Variants in RREB1 observed in about 807,000 individuals in gnomAD.
RREB1 encodes the protein ras responsive element binding protein 1.
A neutral mutation model predicts 117.8 loss-of-function variants in RREB1; 27 were observed. The observed-to-expected ratio is 0.23, with a 90% CI of 0.17 to 0.32. The LOEUF is 0.32. RREB1 is among the 10% of genes least tolerant of loss of function. RREB1 has a pLI of 1.00. For synonymous variants in RREB1, 1,298 were observed against 1,026.7 expected (o/e 1.26, Z -5.05); for missense variants, 2,577 against 2,378.2 (o/e 1.08, Z -1.74).
intron 1 of RREB1, among the ~76,000 whole-genome samples, chr6:7,130,184 A>G (rs767064649): frequency 1.3e-5 from 2 of 152,256 alleles, no homozygotes; most frequent in Non-Finnish European, 2.9e-5. Context: ...AAGTCTGGAT[A>G]AATGACTTTT....
In RREB1 at chr6:7,246,860, C is replaced by T. The variant is rs1399217296; in HGVS notation, c.4410C>T (p.His1470=). The change falls in exon 12 of 13, where the codon CAC becomes CAT. Residue 1470 remains histidine, a synonymous_variant. Transcript: ENST00000379938. Reference sequence around the variant, plus strand: ...CCCTGAGCCGCCACCGGAAGGCGCACGGCCGCCAGGAGCCCAAGGACGAGA... The same window carrying T: ...CCCTGAGCCGCCACCGGAAGGCGCATGGCCGCCAGGAGCCCAAGGACGAGA... ...LGTLSRHRKA[H]GRQEPKDEKG... 6.4e-6 allele frequency: 10 copies of T among 1,552,914 alleles called. No individual in the cohort carries two copies. Among genetic ancestry groups the T allele is most frequent in the South Asian group, 2.4e-5 (2 of 84,366 alleles).
intron 1 of RREB1, among the ~76,000 whole-genome samples, chr6:7,129,593 C>T: frequency 6.6e-6 from 1 of 152,238 alleles, no homozygotes; most frequent in East Asian, 1.9e-4. Context: ...TGCCTAAAGC[C>T]ACTGCAGTGA....
chr6:7,114,067 A>G (rs542496821), intron 1 of RREB1, among the ~76,000 whole-genome samples: 7 of 152,318 alleles, frequency 4.6e-5, no homozygotes, highest in African/African-American at 1.4e-4. Flanking sequence ...GGGGAAATGC[A>G]GCACTTTGTT....
intron 12 of RREB1, among the ~76,000 whole-genome samples, chr6:7,247,978 C>T (rs994189517): frequency 1.3e-5 from 2 of 152,180 alleles, no homozygotes; most frequent in Non-Finnish European, 2.9e-5. Context: ...TGCGCTTGCC[C>T]GTGTGAAGGG....
intron 11 of RREB1, among the ~76,000 whole-genome samples, chr6:7,246,197 A>G (rs1581598218): frequency 6.6e-6 from 1 of 152,268 alleles, no homozygotes; most frequent in East Asian, 1.9e-4. Flanking sequence ...CCCTGGGAAC[A>G]CACCTGAGGT....
At chr6:7,190,625 G>C (rs1403993810) in intron 6 of RREB1, among the ~76,000 whole-genome samples, 13 of 152,190 alleles carry the variant, frequency 8.5e-5, no homozygotes, top group African/African-American at 3.1e-4. Flanking sequence ...ATCTCTTCCT[G>C]GGACTGTTTT....
intron 10 of RREB1, among the ~76,000 whole-genome samples, chr6:7,235,836 C>T (rs1240317989): frequency 6.6e-6 from 1 of 152,196 alleles, no homozygotes; most frequent in African/African-American, 2.4e-5. Context: ...GTTCAGTGTC[C>T]AACGAGGGGT....
At chr6:7,236,896 T>TTTTTG (rs1032812849) in intron 10 of RREB1, among the ~76,000 whole-genome samples, 8 of 135,146 alleles carry the variant, frequency 5.9e-5, no homozygotes, top group African/African-American at 2.3e-4. Flanking sequence ...GGTTTTTTTT[T>TTTTTG]TTTTTTTTTT....
chr6:7,227,438 G>A (rs1767647439), intron 9 of RREB1, among the ~76,000 whole-genome samples: 1 of 152,028 alleles, frequency 6.6e-6, no homozygotes. Context: ...CTACTCGGGA[G>A]GCTGAGGCAG....
At chr6:7,245,938 G>C (rs1333206497) in intron 11 of RREB1, among the ~76,000 whole-genome samples, 1 of 152,254 alleles carries the variant, frequency 6.6e-6, no homozygotes, top group Non-Finnish European at 1.5e-5. Flanking sequence ...GTCGTTTCCT[G>C]TGAAACTCAT....
rs762768896 is a variant in RREB1 at position 7,230,704 on chromosome 6, T to C, written c.2605T>C (p.Phe869Leu). 14 of 1,595,274 alleles carry C rather than the reference T, an allele frequency of 8.8e-6. No homozygotes were observed. Among genetic ancestry groups the C allele is most frequent in the Non-Finnish European group, 1.0e-5 (12 of 1,170,128 alleles). Residue 869 changes from phenylalanine (F) to leucine (L), a missense_variant, in exon 10 of 13, where the codon TTT becomes CTT. Coordinates refer to ENST00000379938, the MANE Select transcript of RREB1 (RefSeq NM_001003699.4). ...LTAFLEPQNGFLHRGPTQPPP... is the reference protein window; with the variant it reads ...LTAFLEPQNGLLHRGPTQPPP... ...TGCCTTCCTGGAACCCCAGAACGGCTTTCTTCACAGGGGCCCCACCCAGCC... is the reference window on the plus strand; with the variant it reads ...TGCCTTCCTGGAACCCCAGAACGGCCTTCTTCACAGGGGCCCCACCCAGCC...
chr6:7,232,645 C>T (rs949189222), intron 10 of RREB1, among the ~76,000 whole-genome samples: 1 of 152,118 alleles, frequency 6.6e-6, no homozygotes, highest in Non-Finnish European at 1.5e-5. Flanking sequence ...ACGACTGCTC[C>T]ATGGAGCCCA....
intron 8 of RREB1, among the ~76,000 whole-genome samples, chr6:7,221,063 G>C (rs1398866848): frequency 2.0e-5 from 3 of 152,202 alleles, no homozygotes; most frequent in Admixed American, 2.0e-4. Context: ...GTCTCCACCT[G>C]ATAGGGCTGA....
chr6:7,177,218 CAAA>C (rs552706086), intron 2 of RREB1, among the ~76,000 whole-genome samples: 4 of 34,932 alleles, frequency 1.1e-4, no homozygotes, highest in African/African-American at 3.4e-4. Context: ...GACTGTCTCA[CAAA>C]AAAAAAAAAA....
At chr6:7,228,877 A>T (rs929901478) in intron 9 of RREB1, 120 bp from the exon 10 acceptor site, 3 of 874,028 alleles carry the variant, frequency 3.4e-6, no homozygotes, top group Non-Finnish European at 4.7e-6. Flanking sequence ...TCTTTATGTT[A>T]TGGGGAAAGG....
intron 1 of RREB1, among the ~76,000 whole-genome samples, chr6:7,125,156 G>A (rs897730617): frequency 6.6e-6 from 1 of 152,206 alleles, no homozygotes; most frequent in Non-Finnish European, 1.5e-5. Context: ...TGGAAGTGAG[G>A]GGTTTGCAAA....
chr6:7,146,686 G>T (rs796951311), intron 1 of RREB1, among the ~76,000 whole-genome samples: 1 of 151,724 alleles, frequency 6.6e-6, no homozygotes. Context: ...CAAGGGAGCC[G>T]CTCATAGTGC....
rs111276833 is a variant in RREB1 at position 7,207,341 on chromosome 6, C to T, written c.426-3463C>T. 6.2e-3 allele frequency among the ~76,000 whole-genome samples: 950 copies of T among 152,336 alleles called. 16 individuals carry two copies. Among genetic ancestry groups the T allele is most frequent in the African/African-American group, 0.021 (886 of 41,566 alleles). On this transcript the variant is annotated intron_variant, in intron 6 of 12. Transcript: ENST00000379938. ...AGTCACTCATTTCTACTCTCACCAACGATGGGAGAGTACCAGTCTTCTGAA... is the reference window on the plus strand; with the variant it reads ...AGTCACTCATTTCTACTCTCACCAATGATGGGAGAGTACCAGTCTTCTGAA...
In RREB1 at chr6:7,247,184, G is replaced by T; in HGVS notation, c.4734G>T (p.Ser1578=). 1 of 1,613,722 alleles carries T rather than the reference G, an allele frequency of 6.2e-7. No individual in the cohort carries two copies. The part of the protein sequence containing the change: ...VCSVCNKRFW[S]LQDLTRHMRS... ...GCGTGTGCAACAAGCGGTTCTGGTC[G>T]CTGCAGGACCTGACCCGGCACATGC... is the stretch of plus-strand genomic sequence containing the variant. The change falls in exon 12 of 13, where the codon TCG becomes TCT. Residue 1578 remains serine (S), a synonymous_variant. Transcript: ENST00000379938.
Sources: gnomAD v4.1 joint callset for allele counts (sites outside exome capture counted in the v4.1 genomes callset) on GRCh38, gnomAD v4.1.1 for gene constraint, MANE v1.5 for transcripts, NCBI Gene and HGNC (gene_info 2026-07-23, HGNC 2026-07-21) for gene names.